DZIP3: variants seen among roughly 807,000 people sequenced by gnomAD.
The protein encoded by DZIP3 is DAZ interacting zinc finger protein 3.
In DZIP3, 118 loss-of-function variants were observed where a neutral mutation model predicts 162.0. The ratio of observed to expected loss-of-function variants is 0.73; its 90% CI spans 0.63 to 0.85. The LOEUF (loss-of-function observed/expected upper bound fraction) is 0.85, where lower values mean the gene tolerates loss of function less well. Among genes scored for constraint, DZIP3 ranks in the 40% least tolerant of loss-of-function variants. The probability of loss-of-function intolerance (pLI) is 0.00; values close to 1 mark genes in which losing one functional copy is unlikely to be tolerated. For missense variants in DZIP3, 1,331 were observed against 1,407.0 expected (o/e 0.95, Z 0.86); for synonymous variants, 438 against 458.6 (o/e 0.96, Z 0.57).
intron 1 of DZIP3, among the ~76,000 whole-genome samples, chr3:108,598,060 A>G (rs1939800556): frequency 1.3e-5 from 2 of 152,218 alleles, no homozygotes; most frequent in African/African-American, 2.4e-5. Flanking sequence ...ACTAGTGACT[A>G]TGAAATATTA....
chr3:108,665,356 G>A (rs750426377), intron 21 of DZIP3, among the ~76,000 whole-genome samples: 19 of 152,102 alleles, frequency 1.2e-4, no homozygotes, highest in Non-Finnish European at 2.6e-4. Flanking sequence ...TAGTAAAGTG[G>A]AGATGACAGA....
At chr3:108,593,986 G>C (rs1241268902) in intron 1 of DZIP3, among the ~76,000 whole-genome samples, 1 of 151,876 alleles carries the variant, frequency 6.6e-6, no homozygotes, top group East Asian at 1.9e-4. Context: ...GTATAGTTAC[G>C]GATCTGATCA....
chr3:108,631,039 A>ACTCTCTCT (rs1941816583), intron 8 of DZIP3, among the ~76,000 whole-genome samples: 1 of 94,854 alleles, frequency 1.1e-5, no homozygotes, highest in African/African-American at 4.7e-5. Flanking sequence ...ACACACACAC[A>ACTCTCTCT]CACACACACA....
At chr3:108,655,166 C>T (rs893178960) in intron 19 of DZIP3, among the ~76,000 whole-genome samples, 1 of 152,094 alleles carries the variant, frequency 6.6e-6, no homozygotes, top group East Asian at 1.9e-4. Flanking sequence ...ATTAAAATGA[C>T]ACATACCTTT....
Position 108,644,240 on chromosome 3 carries a change from C to T in DZIP3, c.1218C>T (p.Asp406=), listed in dbSNP as rs1196946479. ...LLHIIIISGT[D]IVRQIFDEAM... ...ATATAATTATTATTTCTGGTACTGA[C>T]ATTGTTCGACAAATATTTGATGAGG... The change falls in exon 14 of 33, where the codon GAC becomes GAT. Residue 406 remains aspartate, a synonymous_variant. Coordinates refer to ENST00000361582, the MANE Select transcript of DZIP3 (RefSeq NM_014648.4). The T allele has an allele frequency of 6.2e-7, 1 of 1,613,636 alleles. No individual in the cohort carries two copies. Among genetic ancestry groups the T allele is most frequent in the Non-Finnish European group, 8.5e-7 (1 of 1,179,842 alleles).
intron 7 of DZIP3, among the ~76,000 whole-genome samples, chr3:108,626,416 T>G (rs1210672780): frequency 1.3e-5 from 2 of 152,218 alleles, no homozygotes; most frequent in South Asian, 4.1e-4. Flanking sequence ...GTTATTAGTA[T>G]TATCACCACT....
At chr3:108,623,319 G>A (rs1941451512) in intron 5 of DZIP3, among the ~76,000 whole-genome samples, 2 of 152,112 alleles carry the variant, frequency 1.3e-5, no homozygotes, top group Non-Finnish European at 2.9e-5. Context: ...CTCACCCAAG[G>A]CCCATGGCGA....
At chr3:108,658,314 G>C (rs1175038969) in intron 19 of DZIP3, among the ~76,000 whole-genome samples, 3 of 152,232 alleles carry the variant, frequency 2.0e-5, no homozygotes, top group South Asian at 4.1e-4. Context: ...TGCAATCAAA[G>C]TAGAACTCAA....
Position 108,655,953 on chromosome 3 carries a change from G to A in DZIP3, c.2199+1643G>A, listed in dbSNP as rs576329655. The stretch of plus-strand genomic sequence containing the variant: ...GTGGCAGCGAGGCTAGGGGAGGGGC[G>A]TCTGCCATTGCCAAGGCTTGAGTAG... On this transcript the variant is annotated intron_variant, in intron 19 of 32. Transcript: ENST00000361582. 3.9e-5 allele frequency among the ~76,000 whole-genome samples: 6 copies of A among 152,320 alleles called. No individual in the cohort carries two copies. In the East Asian group the frequency reaches 7.7e-4, roughly 20 times the overall value.
At chr3:108,639,683 T>G (rs1296097365) in intron 12 of DZIP3, among the ~76,000 whole-genome samples, 6 of 152,042 alleles carry the variant, frequency 3.9e-5, no homozygotes, top group Non-Finnish European at 7.4e-5. Flanking sequence ...TCTTTTTTTT[T>G]TTGATCATTC....
chr3:108,605,644 C>G (rs1405246463), intron 2 of DZIP3, among the ~76,000 whole-genome samples: 1 of 152,178 alleles, frequency 6.6e-6, no homozygotes, highest in African/African-American at 2.4e-5. Flanking sequence ...CTATGAGAAT[C>G]TAATGCTGCT....
At chr3:108,624,602 T>C in intron 6 of DZIP3, 78 bp downstream of exon 6, 1 of 707,442 alleles carries the variant, frequency 1.4e-6, no homozygotes, top group East Asian at 3.2e-5. Context: ...AATATGAAAC[T>C]AAAAATATTA....
Position 108,608,137 on chromosome 3 carries a change from A to G in DZIP3, c.81A>G (p.Leu27=). 1.2e-6 allele frequency: 2 copies of G among 1,613,112 alleles called. No individual in the cohort carries two copies. The highest frequency in any genetic ancestry group is 1.7e-6 in the Non-Finnish European group (2 of 1,179,372). ...DQRKEETENK[L]EKSSGQLNKQ... Reference sequence around the variant, plus strand: ...GGAAGGAAGAAACTGAGAATAAGCTAGAAAAATCATCTGGTCAACTGGTAA... The same window carrying G: ...GGAAGGAAGAAACTGAGAATAAGCTGGAAAAATCATCTGGTCAACTGGTAA... Residue 27 remains leucine (L), a synonymous_variant, in exon 3 of 33, where the codon CTA becomes CTG. Transcript: ENST00000361582.
chr3:108,616,773 T>G, intron 5 of DZIP3, 116 bp downstream of exon 5: 2 of 694,532 alleles, frequency 2.9e-6, no homozygotes, highest in Non-Finnish European at 4.9e-6. Flanking sequence ...TTTTTTCTTT[T>G]ACCTCTAGAA....
At chr3:108,655,224 T>C (rs2107254209) in intron 19 of DZIP3, among the ~76,000 whole-genome samples, 1 of 152,200 alleles carries the variant, frequency 6.6e-6, no homozygotes, top group East Asian at 1.9e-4. Context: ...ACCTGCATAT[T>C]GTGTCAAGAG....
At chr3:108,667,802 TA>T (rs1182620354) in intron 21 of DZIP3, among the ~76,000 whole-genome samples, 3 of 152,116 alleles carry the variant, frequency 2.0e-5, no homozygotes, top group Admixed American at 6.6e-5. Flanking sequence ...GTAGAGAGAA[TA>T]TTTTTTTGAT....
chr3:108,662,362 A>G lies in DZIP3; in HGVS notation c.2423+105A>G, dbSNP rs1943479102. 5 of 1,352,506 alleles carry G rather than the reference A, an allele frequency of 3.7e-6. No individual in the cohort carries two copies. In the East Asian group the frequency reaches 7.7e-5, roughly 21 times the overall value. The allele number at this position is 1,352,506 out of a possible 1,614,324, so 83.8% of individuals were successfully genotyped here. ...CTAGGTGGCACTGTGACTACACATT[A>G]GGAACCTCAACCACACGACTGCACT... On this transcript the variant is annotated intron_variant, in intron 21 of 32. Coordinates refer to ENST00000361582, the MANE Select transcript of DZIP3 (RefSeq NM_014648.4).
chr3:108,607,402 G>A (rs1940443786), intron 2 of DZIP3, among the ~76,000 whole-genome samples: 1 of 152,150 alleles, frequency 6.6e-6, no homozygotes, highest in Admixed American at 6.5e-5. Flanking sequence ...TGTTATCTCT[G>A]CTGGTGTCCA....
In DZIP3 at chr3:108,622,880, C is replaced by CTCTCTCTG. The variant is rs796232998; in HGVS notation, c.376-1563_376-1562insCTCTCTGT. ...TCTCTCTCTCTCTCTCTCTCTCTCT[C>CTCTCTCTG]TGTGTGTGTGTGTGTGTATGGAGCT... On this transcript the variant is annotated intron_variant, in intron 5 of 32. Coordinates refer to ENST00000361582, the MANE Select transcript of DZIP3 (RefSeq NM_014648.4). Among the ~76,000 whole-genome samples, 284 of 53,062 alleles carry CTCTCTCTG rather than the reference C, an allele frequency of 5.4e-3. 2 individuals carry two copies. The highest frequency in any genetic ancestry group is 8.2e-3 in the South Asian group (9 of 1,100). 34.8% of individuals were successfully genotyped at this position (53,062 alleles called of 152,430 possible). A position where few individuals can be genotyped will look rare whatever the true frequency, so the allele number is the denominator to read the frequency against.
Sources: gnomAD v4.1 joint callset for allele counts (sites outside exome capture counted in the v4.1 genomes callset) on GRCh38, gnomAD v4.1.1 for gene constraint, MANE v1.5 for transcripts, NCBI Gene and HGNC (gene_info 2026-07-23, HGNC 2026-07-21) for gene names.